The following TANGO6 variants were observed in gnomAD, a reference collection of about 807,000 sequenced individuals.
TANGO6 encodes the protein transport and Golgi organization protein 6 homolog.
Under a neutral mutation model 114.2 loss-of-function variants are expected in TANGO6, and 90 were observed. The ratio of observed to expected loss-of-function variants is 0.79; its 90% CI spans 0.66 to 0.94. The LOEUF (loss-of-function observed/expected upper bound fraction) is 0.94, where lower values mean the gene tolerates loss of function less well. Among genes scored for constraint, TANGO6 ranks in the 40% least tolerant of loss-of-function variants. TANGO6 has a pLI of 0.00. For synonymous variants in TANGO6, 477 were observed against 509.8 expected, an observed-to-expected ratio of 0.94 and a Z score of 0.87; for missense variants, 1,274 against 1,315.3, an observed-to-expected ratio of 0.97 and a Z score of 0.49.
intron 1 of TANGO6, among the ~76,000 whole-genome samples, chr16:68,853,290 A>G (rs1252806252): frequency 6.6e-6 from 1 of 151,910 alleles, no homozygotes; most frequent in Non-Finnish European, 1.5e-5. Context: ...AAAAAAAAAA[A>G]AGCATATACT....
intron 11 of TANGO6, among the ~76,000 whole-genome samples, chr16:68,914,078 G>A (rs1173728865): frequency 6.6e-6 from 1 of 152,134 alleles, no homozygotes. Context: ...AGGTTTAGAC[G>A]CCCCCATAGG....
chr16:69,055,243 G>A (rs931854059), intron 17 of TANGO6, among the ~76,000 whole-genome samples: 20 of 152,200 alleles, frequency 1.3e-4, no homozygotes, highest in Admixed American at 6.5e-5. Flanking sequence ...GGAGCGTTTA[G>A]CCTGTTGCAT....
intron 14 of TANGO6, among the ~76,000 whole-genome samples, chr16:68,943,290 A>G (rs907156459): frequency 6.9e-6 from 1 of 145,152 alleles, no homozygotes; most frequent in Non-Finnish European, 1.5e-5. Flanking sequence ...ATTTTTTGAG[A>G]CAGGGTCTTA....
At chr16:69,080,255 G>A (rs949704480) in intron 17 of TANGO6, among the ~76,000 whole-genome samples, 1 of 152,094 alleles carries the variant, frequency 6.6e-6, no homozygotes, top group African/African-American at 2.4e-5. Context: ...GTACACAACA[G>A]AGCGTAGAAT....
intron 15 of TANGO6, among the ~76,000 whole-genome samples, chr16:68,975,705 A>G (rs113373863): frequency 0.11 from 16,962 of 151,682 alleles, 1,089 homozygotes; most frequent in African/African-American, 0.16. Flanking sequence ...CTACAGGCAT[A>G]TGCCACCATG....
rs776360914 is a variant in TANGO6, at chr16:68,907,548, A to G, written c.1773A>G (p.Ala591=). ...LLSHCQECGL[A]GDFFIFCLKE... is the part of the protein sequence containing the mutation. The stretch of plus-strand genomic sequence containing the variant: ...CCCACTGCCAGGAATGCGGTTTGGC[A>G]GGAGACTTCTTCATCTTCTGTTTGA... Residue 591 remains alanine, a synonymous_variant, in exon 10 of 18, where the codon GCA becomes GCG. Coordinates refer to ENST00000261778, the MANE Select transcript of TANGO6 (RefSeq NM_024562.2). The G allele has an allele frequency of 1.2e-6, 2 of 1,613,540 alleles. No individual in the cohort carries two copies. Among genetic ancestry groups the G allele is most frequent in the Non-Finnish European group, 1.7e-6 (2 of 1,179,770 alleles).
At chr16:68,895,915 A>G (rs903362767) in intron 7 of TANGO6, among the ~76,000 whole-genome samples, 1 of 152,052 alleles carries the variant, frequency 6.6e-6, no homozygotes, top group African/African-American at 2.4e-5. Context: ...TTTTTAGATG[A>G]CTAGTCCAAA....
chr16:68,980,409 C>CTCTCTCTCTCTCTCTCTATATATATATA (rs1408626276), intron 15 of TANGO6, among the ~76,000 whole-genome samples: 1 of 68,008 alleles, frequency 1.5e-5, no homozygotes, highest in African/African-American at 6.6e-5. Context: ...CTCTCTCTCT[C>CTCTCTCTCTCTCTCTCTATATATATATA]TATATATATA....
At chr16:68,864,730 G>A (rs1025259799) in intron 3 of TANGO6, among the ~76,000 whole-genome samples, 2 of 152,136 alleles carry the variant, frequency 1.3e-5, no homozygotes, top group African/African-American at 4.8e-5. Context: ...CTTCCATCAG[G>A]CCTCTCTGGC....
In TANGO6 at chr16:69,064,911, G is replaced by A. The variant is rs187454784; in HGVS notation, c.3109-18574G>A. Reference sequence around the variant, plus strand: ...GAAATAGAAGTGTGGTGCCCTCAGCGGGGTGTCTGCATGGAGATCTTGAAG... The same window carrying A: ...GAAATAGAAGTGTGGTGCCCTCAGCAGGGTGTCTGCATGGAGATCTTGAAG... On this transcript the variant is annotated intron_variant, in intron 17 of 17. Transcript: ENST00000261778. Among the ~76,000 whole-genome samples the A allele has an allele frequency of 2.5e-3, 386 of 152,224 alleles. 1 individual carries two copies. The highest frequency in any genetic ancestry group is 8.9e-3 in the African/African-American group (371 of 41,530).
chr16:68,919,850 T>C (rs1963065998), intron 12 of TANGO6, among the ~76,000 whole-genome samples: 1 of 152,140 alleles, frequency 6.6e-6, no homozygotes, highest in South Asian at 2.1e-4. Flanking sequence ...GAGACCAGCC[T>C]GGTCAACATG....
rs1963683482 is a variant in TANGO6, at chr16:68,969,672, T to C, written c.2702-4356T>C. Among the ~76,000 whole-genome samples, 4 of 149,828 alleles carry C rather than the reference T, an allele frequency of 2.7e-5. No homozygotes were observed. The South Asian group carries it at 8.4e-4, about 32-fold the overall frequency. ...AAAGCTCCCTAATGAGTTTAAAGTT[T>C]AGCATTATAGGAAAAGCAAAAAAAA... On this transcript the variant is annotated intron_variant, in intron 14 of 17. Transcript: ENST00000261778.
At chr16:69,033,945 G>T in intron 16 of TANGO6, 1 of 156,056 alleles carries the variant, frequency 6.4e-6, no homozygotes. Context: ...TTTTTTCAAG[G>T]GGCATCTCTC....
chr16:68,962,847 C>T (rs1347923164), intron 14 of TANGO6, among the ~76,000 whole-genome samples: 2 of 150,750 alleles, frequency 1.3e-5, no homozygotes, highest in Admixed American at 6.6e-5. Flanking sequence ...TTTGGGAGGT[C>T]GAGGCGGGTG....
chr16:68,940,171 C>T (rs1963338254), intron 14 of TANGO6, among the ~76,000 whole-genome samples: 2 of 122,136 alleles, frequency 1.6e-5, no homozygotes, highest in African/African-American at 5.7e-5. Context: ...TCCTTTCTTC[C>T]TTCCTTCCTT....
chr16:68,943,446 C>G (rs1963377409), intron 14 of TANGO6, among the ~76,000 whole-genome samples: 2 of 150,728 alleles, frequency 1.3e-5, no homozygotes, highest in African/African-American at 2.4e-5. Context: ...TCCCTGCAAG[C>G]TCCGCCTCCT....
At chr16:69,051,782 G>T (rs1418362178) in intron 17 of TANGO6, among the ~76,000 whole-genome samples, 1 of 152,110 alleles carries the variant, frequency 6.6e-6, no homozygotes, top group Non-Finnish European at 1.5e-5. Flanking sequence ...GGAGATGGAG[G>T]CTGCAGTGAG....
chr16:68,927,940 G>A lies in TANGO6; in HGVS notation c.2500G>A (p.Val834Ile), dbSNP rs1258951237. 9.9e-6 allele frequency: 16 copies of A among 1,613,738 alleles called. No homozygotes were observed. Among genetic ancestry groups the A allele is most frequent in the East Asian group, 2.2e-5 (1 of 44,900 alleles). ...TACTACAAGTCAGAAATCTGGAAGC[G>A]TAACCACAGAACAGCTCCAAGAGGT... is the stretch of plus-strand genomic sequence containing the variant. ...STTTSQKSGS[V>I]TTEQLQEVLL... Residue 834 changes from valine to isoleucine, a missense_variant, in exon 13 of 18, where the codon GTA becomes ATA. Physicochemically the swap from Val to Ile is conservative, Grantham distance 29. Around this residue, in one of 5 missense-constraint regions of TANGO6, gnomAD observed 908 missense variants for 910.2 expected, o/e 1.00. Transcript: ENST00000261778.
At chr16:68,919,869 C>T (rs1356898576) in intron 12 of TANGO6, among the ~76,000 whole-genome samples, 1 of 151,820 alleles carries the variant, frequency 6.6e-6, no homozygotes, top group African/African-American at 2.4e-5. Flanking sequence ...TGGTGAAACC[C>T]CGTCTCTACT....
Sources: allele counts gnomAD v4.1 joint callset (sites outside exome capture counted in the v4.1 genomes callset), GRCh38; gene constraint gnomAD v4.1.1; regional missense constraint gnomAD v4.1.1; transcripts MANE v1.5; gene names NCBI Gene and HGNC (gene_info 2026-07-23, HGNC 2026-07-21).